Variants in FOXJ3 observed in about 807,000 individuals in gnomAD.
FOXJ3 encodes the protein forkhead box J3.
In FOXJ3, 22 loss-of-function variants were observed where a neutral mutation model predicts 76.1. The observed-to-expected ratio is 0.29, with a 90% CI of 0.21 to 0.41. The LOEUF (loss-of-function observed/expected upper bound fraction) is 0.41. Ranked by LOEUF, FOXJ3 falls within the 10% of genes least tolerant of loss-of-function variation. The pLI, the probability that FOXJ3 is intolerant of heterozygous loss-of-function variation, is 1.00. For missense variants in FOXJ3, 613 were observed against 762.1 expected (o/e 0.80, Z 2.30); for synonymous variants, 269 against 261.2 (o/e 1.03, Z -0.29).
chr1:42,213,262 C>T (rs957390657), intron 5 of FOXJ3, among the ~76,000 whole-genome samples: 1 of 151,954 alleles, frequency 6.6e-6, no homozygotes, highest in Non-Finnish European at 1.5e-5. Context: ...CTAAATGTTC[C>T]ACTTGAAAGA....
chr1:42,180,421 A>AT (rs1333725458), intron 12 of FOXJ3, among the ~76,000 whole-genome samples: 4 of 152,082 alleles, frequency 2.6e-5, no homozygotes, highest in Non-Finnish European at 2.9e-5. Flanking sequence ...ATGCTCCCCA[A>AT]TTTTGATTCA....
intron 5 of FOXJ3, among the ~76,000 whole-genome samples, chr1:42,225,920 G>A (rs771377806): frequency 2.0e-5 from 3 of 152,108 alleles, no homozygotes; most frequent in Non-Finnish European, 4.4e-5. Context: ...AGAATAAAAG[G>A]CAAGCTTAAT....
chr1:42,285,216 C>A (rs6665842), intron 2 of FOXJ3, among the ~76,000 whole-genome samples: 26,627 of 151,966 alleles, frequency 0.18, 2,520 homozygotes, highest in Admixed American at 0.25. Context: ...AAACCATCAT[C>A]TATGTATTAA....
At chr1:42,242,500 C>A (rs1199361036) in intron 4 of FOXJ3, among the ~76,000 whole-genome samples, 2 of 150,146 alleles carry the variant, frequency 1.3e-5, no homozygotes, top group Non-Finnish European at 3.0e-5. Flanking sequence ...CGACAATAGA[C>A]TAGATCAAGC....
At chr1:42,311,631 T>A (rs1182874885) in intron 1 of FOXJ3, among the ~76,000 whole-genome samples, 1 of 86,856 alleles carries the variant, frequency 1.2e-5, no homozygotes, top group Non-Finnish European at 2.3e-5. Context: ...AAACAAACAG[T>A]TCCATTGCTT....
chr1:42,225,249 C>A (rs1353547566), intron 5 of FOXJ3, among the ~76,000 whole-genome samples: 1 of 152,090 alleles, frequency 6.6e-6, no homozygotes, highest in Non-Finnish European at 1.5e-5. Context: ...AGAGGGGTAT[C>A]AATTTATTTA....
chr1:42,275,552 G>A (rs939676283), intron 3 of FOXJ3, among the ~76,000 whole-genome samples: 13 of 152,086 alleles, frequency 8.5e-5, no homozygotes, highest in South Asian at 2.1e-4. Flanking sequence ...GCACCCACCC[G>A]TAGTCGTAGC....
intron 1 of FOXJ3, among the ~76,000 whole-genome samples, chr1:42,331,946 A>G (rs1407319163): frequency 6.6e-6 from 1 of 152,186 alleles, no homozygotes; most frequent in African/African-American, 2.4e-5. Context: ...CATATCAGAT[A>G]CTAATGTCTC....
chr1:42,202,079 TTC>T (rs1392080120), intron 6 of FOXJ3, among the ~76,000 whole-genome samples: 2 of 152,184 alleles, frequency 1.3e-5, no homozygotes, highest in African/African-American at 4.8e-5. Context: ...CAAATTGTAT[TTC>T]TCTTTCATTA....
At chr1:42,248,737 T>A (rs1377865392) in intron 4 of FOXJ3, among the ~76,000 whole-genome samples, 6 of 145,634 alleles carry the variant, frequency 4.1e-5, no homozygotes, top group Non-Finnish European at 9.1e-5. Flanking sequence ...TTTCTTTTTT[T>A]TTTTTTTTTT....
chr1:42,293,567 A>C (rs1653582149), intron 2 of FOXJ3, among the ~76,000 whole-genome samples: 1 of 152,216 alleles, frequency 6.6e-6, no homozygotes, highest in Non-Finnish European at 1.5e-5. Context: ...TCTTGATATC[A>C]ATAGCAAAAA....
At chr1:42,315,330 A>G (rs1461426702) in intron 1 of FOXJ3, 1 of 631,040 alleles carries the variant, frequency 1.6e-6, no homozygotes. Flanking sequence ...TGAACTTCAC[A>G]GTATGTGATT....
intron 4 of FOXJ3, among the ~76,000 whole-genome samples, chr1:42,247,276 T>C (rs1649629170): frequency 6.6e-6 from 1 of 152,022 alleles, no homozygotes; most frequent in South Asian, 2.1e-4. Flanking sequence ...AAGTACCCCA[T>C]AAAAATGCAC....
chr1:42,227,439 C>T (rs343372), intron 5 of FOXJ3, among the ~76,000 whole-genome samples: 107,217 of 152,200 alleles, frequency 0.7, 38,420 homozygotes, highest in Admixed American at 0.8. Context: ...GCAATACACA[C>T]GCACCCAACT....
chr1:42,279,706 T>C (rs1652554537), intron 2 of FOXJ3, among the ~76,000 whole-genome samples: 1 of 152,164 alleles, frequency 6.6e-6, no homozygotes, highest in African/African-American at 2.4e-5. Flanking sequence ...TAAGCCCTTC[T>C]ATTCTGGGAT....
Position 42,227,965 on chromosome 1 carries a change from C to A in FOXJ3, c.446G>T (p.Gly149Val). ...VPRSKDDPGKGSYWAIDTNPK... is the reference protein window; with the variant it reads ...VPRSKDDPGKVSYWAIDTNPK... ...ATTGGTGTCTATTGCCCAGTAGGAC[C>A]CCTAGAGGTAAAGAAATTATATTAA... The change falls in exon 5 of 13, where the codon GGG becomes GTG. Residue 149 changes from glycine (G) to valine (V), a missense_variant and splice_region_variant. Transcript: ENST00000361346. 1 of 1,512,906 alleles carries A rather than the reference C, an allele frequency of 6.6e-7. No homozygotes were observed. Among genetic ancestry groups the A allele is most frequent in the Non-Finnish European group, 9.0e-7 (1 of 1,107,976 alleles). 93.7% of individuals were successfully genotyped at this position (1,512,906 alleles called of 1,614,324 possible). A position where few individuals can be genotyped will look rare whatever the true frequency, so the allele number is the denominator to read the frequency against.
At chr1:42,262,724 C>T (rs973541629) in intron 4 of FOXJ3, among the ~76,000 whole-genome samples, 4 of 152,082 alleles carry the variant, frequency 2.6e-5, no homozygotes, top group East Asian at 3.9e-4. Flanking sequence ...TGATGTACAC[C>T]GGTAGTCCCA....
At position 42,188,724 on chromosome 1, in the gene FOXJ3, A is replaced by T. The variant is rs1208492493; in HGVS notation, c.1645+13T>A. ...GAAAATGAGAAAAATCAAGAAGATA[A>T]CTAACCCCATACCTGTTCCAATGTG... On this transcript the variant is annotated intron_variant, in intron 11 of 12. Transcript: ENST00000361346. 6.8e-7 allele frequency: 1 copy of T among 1,462,538 alleles called. No individual in the cohort carries two copies. Among genetic ancestry groups the T allele is most frequent in the Non-Finnish European group, 9.1e-7 (1 of 1,095,574 alleles). 90.6% of individuals were successfully genotyped at this position (1,462,538 alleles called of 1,614,324 possible).
chr1:42,246,477 G>A (rs900445703), intron 4 of FOXJ3, among the ~76,000 whole-genome samples: 1 of 152,024 alleles, frequency 6.6e-6, no homozygotes, highest in Non-Finnish European at 1.5e-5. Flanking sequence ...AAACCAGAAG[G>A]TGATATCCTC....
Sources: gnomAD v4.1 joint callset for allele counts (sites outside exome capture counted in the v4.1 genomes callset) on GRCh38, gnomAD v4.1.1 for gene constraint, MANE v1.5 for transcripts, NCBI Gene and HGNC (gene_info 2026-07-23, HGNC 2026-07-21) for gene names.